ITPR3: variants seen among roughly 807,000 people sequenced by gnomAD.
The protein encoded by ITPR3 is inositol 1,4,5-trisphosphate receptor type 3.
A neutral mutation model predicts 293.2 loss-of-function variants in ITPR3; 173 were observed. That is an observed-to-expected ratio of 0.59 (90% CI 0.52 to 0.67). ITPR3 has a LOEUF of 0.67. Ranked by LOEUF, ITPR3 falls within the 30% of genes least tolerant of loss-of-function variation. ITPR3 has a pLI of 0.00. For missense variants in ITPR3, 2,796 were observed against 3,592.1 expected, an observed-to-expected ratio of 0.78 and a Z score of 5.66; for synonymous variants, 1,295 against 1,444.4, an observed-to-expected ratio of 0.90 and a Z score of 2.35.
chr6:33,657,833 GTT>G, intron 3 of ITPR3, 97 bp from the exon 4 acceptor site: 4 of 898,894 alleles, frequency 4.4e-6, no homozygotes, highest in Non-Finnish European at 5.4e-6. Flanking sequence ...GTGTGTGTGT[GTT>G]TGTGTGCATG....
chr6:33,661,018 C>A (rs1347310046), intron 7 of ITPR3, among the ~76,000 whole-genome samples: 1 of 152,208 alleles, frequency 6.6e-6, no homozygotes, highest in Non-Finnish European at 1.5e-5. Context: ...AGAATTATTT[C>A]TGGGGAATCC....
At chr6:33,665,796 G>A in intron 13 of ITPR3, 39 bp from the exon 14 acceptor site, 1 of 1,608,516 alleles carries the variant, frequency 6.2e-7, no homozygotes, top group Non-Finnish European at 8.5e-7. Flanking sequence ...CTGCTGGGTG[G>A]GTATCTCACA....
At chr6:33,630,304 T>A (rs956915407) in intron 1 of ITPR3, among the ~76,000 whole-genome samples, 2 of 152,198 alleles carry the variant, frequency 1.3e-5, no homozygotes, top group African/African-American at 4.8e-5. Flanking sequence ...CCCAGAGAGC[T>A]CTGCGGAGGT....
chr6:33,674,958 T>C (rs2127292226), intron 24 of ITPR3, among the ~76,000 whole-genome samples: 1 of 152,378 alleles, frequency 6.6e-6, no homozygotes, highest in African/African-American at 2.4e-5. Flanking sequence ...CTGTTATATT[T>C]ATTGGTGACA....
In ITPR3 at chr6:33,692,986, G is replaced by A; in HGVS notation, c.7624+93G>A. Reference sequence around the variant, plus strand: ...TAGCGGTTTGGCCCTTCCTGCCCTGGGGAACCCTGGCCCGGAGCTGATGAC... The same window carrying A: ...TAGCGGTTTGGCCCTTCCTGCCCTGAGGAACCCTGGCCCGGAGCTGATGAC... On this transcript the variant is annotated intron_variant, in intron 55 of 57. Coordinates refer to ENST00000605930, the MANE Select transcript of ITPR3 (RefSeq NM_002224.4). The surrounding 1 kb of genome is among the most constrained non-coding windows in gnomAD (Gnocchi z 4.2). 7.6e-7 allele frequency: 1 copy of A among 1,320,792 alleles called. No individual in the cohort carries two copies. The highest frequency in any genetic ancestry group is 1.5e-5 in the African/African-American group (1 of 68,916). The allele number at this position is 1,320,792 out of a possible 1,614,324, so 81.8% of individuals were successfully genotyped here. A position where few individuals can be genotyped will look rare whatever the true frequency, so the allele number is the denominator to read the frequency against.
chr6:33,661,557 C>T (rs569410384), intron 7 of ITPR3, among the ~76,000 whole-genome samples: 9 of 152,264 alleles, frequency 5.9e-5, no homozygotes, highest in Non-Finnish European at 1.0e-4. Flanking sequence ...GGCTGGCACG[C>T]GGTAAGTGTG....
chr6:33,657,401 A>C (rs1454230486), intron 3 of ITPR3, among the ~76,000 whole-genome samples: 1 of 152,050 alleles, frequency 6.6e-6, no homozygotes, highest in African/African-American at 2.4e-5. Context: ...GTGACCACTC[A>C]GGGAGGGCTG....
Position 33,696,055 on chromosome 6 carries a change from C to T in ITPR3, c.*275C>T, listed in dbSNP as rs1765536237. ...GCAGAAGATAAATCCTACCTAGAGA[C>T]CTTTGTTCCTTAAAGCAATAACTGA... On this transcript the variant is annotated 3_prime_UTR_variant, in exon 58 of 58. Coordinates refer to ENST00000605930, the MANE Select transcript of ITPR3 (RefSeq NM_002224.4). 2.2e-6 allele frequency: 1 copy of T among 457,862 alleles called. No homozygotes were observed. Among genetic ancestry groups the T allele is most frequent in the African/African-American group, 1.9e-5 (1 of 51,550 alleles). The allele number at this position is 457,862 out of a possible 1,614,324, so 28.4% of individuals were successfully genotyped here.
Position 33,685,732 on chromosome 6 carries a change from G to C in ITPR3, c.5572G>C (p.Val1858Leu). The change falls in exon 41 of 58, where the codon GTG becomes CTG. Residue 1858 changes from valine to leucine, a missense_variant. Around this residue, in one of 8 missense-constraint regions of ITPR3, gnomAD observed 704 missense variants for 797.5 expected, o/e 0.88. Transcript: ENST00000605930. ...CCGGGGGCACGAGGTGAGCGAACGT[G>C]TGCAGAGCAGTGAGATGGGCACATC... ...LRRGHEVSER[V>L]QSSEMGTSVL... 5 of 1,609,222 alleles carry C rather than the reference G, an allele frequency of 3.1e-6. No individual in the cohort carries two copies. Among genetic ancestry groups the C allele is most frequent in the Non-Finnish European group, 3.4e-6 (4 of 1,176,872 alleles).
At position 33,658,647 on chromosome 6, in the gene ITPR3, C is replaced by G; in HGVS notation, c.370-23C>G. On this transcript the variant is annotated intron_variant, in intron 4 of 57. Coordinates refer to ENST00000605930, the MANE Select transcript of ITPR3 (RefSeq NM_002224.4). The surrounding 1 kb of genome is among the most constrained non-coding windows in gnomAD (Gnocchi z 6.1). ...CCGACTCCTGTGGCGCGGTGACCTTCCCGCACCCCACCTGACCCCCAGCTC... is the reference window on the plus strand; with the variant it reads ...CCGACTCCTGTGGCGCGGTGACCTTGCCGCACCCCACCTGACCCCCAGCTC... The G allele has an allele frequency of 6.2e-7, 1 of 1,612,380 alleles. No individual in the cohort carries two copies. The highest frequency in any genetic ancestry group is 2.2e-5 in the East Asian group (1 of 44,832).
rs145039560 is a variant in ITPR3 at position 33,664,967 on chromosome 6, A to G, written c.1246A>G (p.Met416Val). Reference sequence around the variant, plus strand: ...CGAGGAGGAGCGGCCCATCCGGCTCATGGTGCGTGTCCCTGGGGTGGGGGT... The same window carrying G: ...CGAGGAGGAGCGGCCCATCCGGCTCGTGGTGCGTGTCCCTGGGGTGGGGGT... Reference protein sequence around the residue: ...DIEEERPIRLMLGTCPTKEDK... With the variant: ...DIEEERPIRLVLGTCPTKEDK... Residue 416 changes from methionine (M) to valine (V), a missense_variant and splice_region_variant, in exon 12 of 58, where the codon ATG becomes GTG. Transcript: ENST00000605930. This position sits in a 1 kb window ranked among gnomAD's most constrained non-coding sequence, Gnocchi z 4.4. 4.5e-5 allele frequency: 28 copies of G among 628,942 alleles called. No individual in the cohort carries two copies. Among genetic ancestry groups the G allele is most frequent in the Non-Finnish European group, 6.8e-5 (24 of 351,728 alleles). 39.0% of individuals were successfully genotyped at this position (628,942 alleles called of 1,614,324 possible).
intron 50 of ITPR3, among the ~76,000 whole-genome samples, 156 bp downstream of exon 50, chr6:33,689,566 G>A (rs1195170888): frequency 2.0e-5 from 3 of 152,194 alleles, no homozygotes; most frequent in East Asian, 3.9e-4. Flanking sequence ...GGCAGGGACT[G>A]TTCTGTACCT....
intron 1 of ITPR3, among the ~76,000 whole-genome samples, chr6:33,622,744 T>C (rs527582815): frequency 2.9e-4 from 44 of 152,266 alleles, no homozygotes; most frequent in African/African-American, 8.7e-4. Context: ...GGACTGATGC[T>C]GGACAGGGCC....
intron 48 of ITPR3, 33 bp from the exon 49 acceptor site, chr6:33,688,623 C>T: frequency 1.9e-6 from 3 of 1,612,808 alleles, no homozygotes; most frequent in Middle Eastern, 1.7e-4. Context: ...TCACCAGGGC[C>T]CTCCAGCAGC....
rs956371704 is a variant in ITPR3 at position 33,693,450 on chromosome 6, G to A, written c.7625-95G>A. On this transcript the variant is annotated intron_variant, in intron 55 of 57. Coordinates refer to ENST00000605930, the MANE Select transcript of ITPR3 (RefSeq NM_002224.4). ...GGAAGCGCTCATCCCGAGAACAAAT[G>A]CCTCCAACCCCCGGAAGCTGGGTCC... is the stretch of plus-strand genomic sequence containing the variant. 6.7e-6 allele frequency: 9 copies of A among 1,342,680 alleles called. No homozygotes were observed. In the Admixed American group the frequency reaches 9.0e-5, roughly 13 times the overall value. 83.2% of individuals were successfully genotyped at this position (1,342,680 alleles called of 1,614,324 possible). A position where few individuals can be genotyped will look rare whatever the true frequency, so the allele number is the denominator to read the frequency against.
chr6:33,659,706 C>T (rs1764408211), intron 7 of ITPR3, among the ~76,000 whole-genome samples, 157 bp downstream of exon 7: 1 of 152,180 alleles, frequency 6.6e-6, no homozygotes, highest in South Asian at 2.1e-4. Context: ...GCCCCACCCA[C>T]ATGGCCCTAC....
At position 33,658,902 on chromosome 6, in the gene ITPR3, A is replaced by G. The variant is rs1274907632; in HGVS notation, c.528+74A>G. The G allele has an allele frequency of 1.2e-6, 2 of 1,602,192 alleles. No individual in the cohort carries two copies. Among genetic ancestry groups the G allele is most frequent in the Non-Finnish European group, 1.7e-6 (2 of 1,171,716 alleles). On this transcript the variant is annotated intron_variant, in intron 5 of 57. Transcript: ENST00000605930. The surrounding 1 kb of genome is among the most constrained non-coding windows in gnomAD (Gnocchi z 6.1). ...CTTCTGTAGGGTCTTCGGTGTGGGG[A>G]CTGGATAAGGGCATGCCCATTTCTT... is the stretch of plus-strand genomic sequence containing the variant.
Position 33,688,152 on chromosome 6 carries a change from C to T in ITPR3, c.6360C>T (p.His2120=). 1 of 1,614,136 alleles carries T rather than the reference C, an allele frequency of 6.2e-7. No homozygotes were observed. Among genetic ancestry groups the T allele is most frequent in the Non-Finnish European group, 8.5e-7 (1 of 1,179,998 alleles). Residue 2120 remains histidine (H), a synonymous_variant, in exon 47 of 58, where the codon CAC becomes CAT. Coordinates refer to ENST00000605930, the MANE Select transcript of ITPR3 (RefSeq NM_002224.4). ...EEDPLAYYEN[H]TSQIEIVRQD... ...ACCCCCTGGCCTACTATGAGAACCA[C>T]ACGTCCCAGATCGAGGTGGGCCTGT...
At chr6:33,650,118 G>A (rs1311238085) in intron 2 of ITPR3, among the ~76,000 whole-genome samples, 1 of 152,162 alleles carries the variant, frequency 6.6e-6, no homozygotes. Flanking sequence ...TGCAACTCCT[G>A]TGTGGGCCCA....
Sources: allele counts gnomAD v4.1 joint callset (sites outside exome capture counted in the v4.1 genomes callset), GRCh38; gene constraint gnomAD v4.1.1; regional missense constraint gnomAD v4.1.1; non-coding constraint Gnocchi (gnomAD v3.1); transcripts MANE v1.5; gene names NCBI Gene and HGNC (gene_info 2026-07-23, HGNC 2026-07-21).